The following COL24A1 variants were observed in gnomAD, a reference collection of about 807,000 sequenced individuals.
The protein encoded by COL24A1 is collagen alpha-1(XXIV) chain.
In COL24A1, 224 loss-of-function variants were observed where a neutral mutation model predicts 253.9. That is an observed-to-expected ratio of 0.88 (90% CI 0.79 to 0.99). The LOEUF (loss-of-function observed/expected upper bound fraction) is 0.99, where lower values mean the gene tolerates loss of function less well. Ranked by LOEUF, COL24A1 falls within the 50% of genes least tolerant of loss-of-function variation. COL24A1 has a pLI of 0.00. For synonymous variants in COL24A1, 685 were observed against 673.7 expected, an observed-to-expected ratio of 1.02 and a Z score of -0.26; for missense variants, 2,131 against 2,068.5, an observed-to-expected ratio of 1.03 and a Z score of -0.59.
intron 3 of COL24A1, 45 bp from the exon 4 acceptor site, chr1:86,115,423 T>C (rs765908316): frequency 6.4e-7 from 1 of 1,554,906 alleles, no homozygotes; most frequent in South Asian, 1.1e-5. Flanking sequence ...AGTGGACACA[T>C]TTATTTTCTT....
chr1:86,015,903 G>T (rs1696946552), intron 19 of COL24A1, among the ~76,000 whole-genome samples: 1 of 132,178 alleles, frequency 7.6e-6, no homozygotes, highest in Non-Finnish European at 1.6e-5. Context: ...TTTTTTTTTG[G>T]AGACGGGGTC....
intron 2 of COL24A1, among the ~76,000 whole-genome samples, chr1:86,133,158 C>CTGT (rs1200854114): frequency 1.4e-4 from 21 of 151,920 alleles, no homozygotes; most frequent in African/African-American, 3.1e-4. Flanking sequence ...CTCTGTTTGT[C>CTGT]TGTTGGTGTA....
In COL24A1 at chr1:85,823,718, T is replaced by A. The variant is rs752986326; in HGVS notation, c.3702A>T (p.Gly1234=). The change falls in exon 44 of 60, where the codon GGA becomes GGT. Residue 1234 remains glycine, a synonymous_variant. Coordinates refer to ENST00000370571, the MANE Select transcript of COL24A1 (RefSeq NM_152890.7). ...EGYKGHVGVP[G]LRGATGQQGP... is the part of the protein sequence containing the mutation. ...CTTGTTGTCCAGTGGCACCTCTTAG[T>A]CCTGGTACACCCACATGGCCCTAGA... is the stretch of plus-strand genomic sequence containing the variant. 1 of 1,613,814 alleles carries A rather than the reference T, an allele frequency of 6.2e-7. No homozygotes were observed. Among genetic ancestry groups the A allele is most frequent in the Admixed American group, 1.7e-5 (1 of 60,004 alleles).
chr1:85,955,447 A>C (rs548362786), intron 24 of COL24A1, among the ~76,000 whole-genome samples: 1 of 152,350 alleles, frequency 6.6e-6, no homozygotes, highest in South Asian at 2.1e-4. Flanking sequence ...GCTGATTAAC[A>C]CAAGCCGCCT....
intron 35 of COL24A1, among the ~76,000 whole-genome samples, chr1:85,870,829 G>C (rs1680379950): frequency 6.6e-6 from 1 of 152,026 alleles, no homozygotes; most frequent in Non-Finnish European, 1.5e-5. Context: ...CACACCGAAG[G>C]CAAGAAACAA....
chr1:85,962,867 G>A (rs1253275962), intron 23 of COL24A1, among the ~76,000 whole-genome samples: 1 of 152,062 alleles, frequency 6.6e-6, no homozygotes, highest in African/African-American at 2.4e-5. Flanking sequence ...AGCCAATAAT[G>A]ACATGTGGCT....
At chr1:85,748,725 C>T (rs540179241) in intron 55 of COL24A1, among the ~76,000 whole-genome samples, 17 of 138,358 alleles carry the variant, frequency 1.2e-4, no homozygotes, top group South Asian at 7.7e-4. Context: ...ACCTGGGAAG[C>T]GCAAGGGGTC....
At chr1:86,082,598 G>A (rs892948466) in intron 7 of COL24A1, among the ~76,000 whole-genome samples, 13 of 142,924 alleles carry the variant, frequency 9.1e-5, no homozygotes, top group South Asian at 6.5e-4. Context: ...ATTTATTTAC[G>A]TAATATATAA....
chr1:85,837,888 A>C (rs1223434905), intron 43 of COL24A1, among the ~76,000 whole-genome samples: 1 of 152,156 alleles, frequency 6.6e-6, no homozygotes, highest in African/African-American at 2.4e-5. Flanking sequence ...TCTGTAAAGC[A>C]ATTGGCAATG....
chr1:85,827,394 G>T (rs1336448811), intron 43 of COL24A1, among the ~76,000 whole-genome samples: 2 of 150,836 alleles, frequency 1.3e-5, no homozygotes, highest in African/African-American at 2.4e-5. Flanking sequence ...TCTCTTTTTT[G>T]GTTGTGTCTC....
chr1:86,133,218 C>A (rs923791338), intron 2 of COL24A1, among the ~76,000 whole-genome samples: 10 of 152,062 alleles, frequency 6.6e-5, no homozygotes, highest in African/African-American at 2.4e-4. Flanking sequence ...TGAGACTTTG[C>A]TGAAGTTGCT....
At chr1:85,908,541 G>A (rs983752096) in intron 27 of COL24A1, 57 bp downstream of exon 27, 3 of 949,094 alleles carry the variant, frequency 3.2e-6, no homozygotes, top group African/African-American at 1.7e-5. Flanking sequence ...AACAATTTAT[G>A]AGTTTAAATT....
At chr1:86,063,383 T>TGTG (rs1376429091) in intron 8 of COL24A1, among the ~76,000 whole-genome samples, 2,391 of 144,416 alleles carry the variant, frequency 0.017, 63 homozygotes, top group African/African-American at 0.05. Context: ...GTGTGTGTGT[T>TGTG]TGTATGTGTA....
In COL24A1 at chr1:86,017,199, T is replaced by C. The variant is rs758623996; in HGVS notation, c.2262A>G (p.Gln754=). 9.0e-6 allele frequency: 14 copies of C among 1,563,026 alleles called. No individual in the cohort carries two copies. The highest frequency in any genetic ancestry group is 1.2e-5 in the Non-Finnish European group (14 of 1,163,612). The stretch of plus-strand genomic sequence containing the variant: ...GTCCTTGGAGTCCTGGGTCACCTGT[T>C]TGGCCCTAAAATGGGGGGGGAGGAT... ...GMRGKSGPSG[Q]TGDPGLQGPS... is the part of the protein sequence containing the mutation. The change falls in exon 19 of 60, where the codon CAA becomes CAG. Residue 754 remains glutamine, a synonymous_variant. Coordinates refer to ENST00000370571, the MANE Select transcript of COL24A1 (RefSeq NM_152890.7).
intron 43 of COL24A1, among the ~76,000 whole-genome samples, chr1:85,834,897 T>C (rs1197869795): frequency 1.3e-5 from 2 of 152,206 alleles, no homozygotes; most frequent in Non-Finnish European, 2.9e-5. Flanking sequence ...ATAATTGCTT[T>C]TCCTTTTATG....
intron 24 of COL24A1, among the ~76,000 whole-genome samples, chr1:85,943,026 A>T (rs1301453770): frequency 6.6e-6 from 1 of 152,176 alleles, no homozygotes; most frequent in East Asian, 1.9e-4. Flanking sequence ...GCTGGAGAAG[A>T]TCTGCCCTCA....
chr1:85,892,652 T>C (rs1683248364), intron 31 of COL24A1, among the ~76,000 whole-genome samples: 1 of 152,034 alleles, frequency 6.6e-6, no homozygotes, highest in South Asian at 2.1e-4. Flanking sequence ...AAAGCAAAAA[T>C]CATAACTTTG....
intron 35 of COL24A1, among the ~76,000 whole-genome samples, chr1:85,873,625 G>A (rs1328596469): frequency 5.3e-5 from 8 of 152,128 alleles, no homozygotes; most frequent in Non-Finnish European, 1.5e-5. Flanking sequence ...ACTTATAGGT[G>A]GGAAATAAAC....
At chr1:86,056,226 A>G (rs1700653702) in intron 10 of COL24A1, among the ~76,000 whole-genome samples, 1 of 152,212 alleles carries the variant, frequency 6.6e-6, no homozygotes, top group Non-Finnish European at 1.5e-5. Context: ...AATTTCTAAT[A>G]AAAAGTACAT....
Sources: allele counts gnomAD v4.1 joint callset (sites outside exome capture counted in the v4.1 genomes callset), GRCh38; gene constraint gnomAD v4.1.1; transcripts MANE v1.5; gene names NCBI Gene and HGNC (gene_info 2026-07-23, HGNC 2026-07-21).